ZNF521: variants seen among roughly 807,000 people sequenced by gnomAD.
ZNF521 encodes the protein zinc finger protein 521, also known as LYST-interacting protein 3.
Under a neutral mutation model 105.5 loss-of-function variants are expected in ZNF521, and 14 were observed. That is an observed-to-expected ratio of 0.13 (90% confidence interval 0.09 to 0.21). ZNF521 has a LOEUF of 0.21. Ranked by LOEUF, ZNF521 falls within the 10% of genes least tolerant of loss-of-function variation. The probability of loss-of-function intolerance (pLI) is 1.00; values close to 1 mark genes in which losing one functional copy is unlikely to be tolerated. For missense variants in ZNF521, 1,233 were observed against 1,629.7 expected (o/e 0.76, Z 4.19); for synonymous variants, 635 against 606.0 (o/e 1.05, Z -0.70).
chr18:25,300,120 C>T (rs112293845), intron 3 of ZNF521, among the ~76,000 whole-genome samples: 5,244 of 152,212 alleles, frequency 0.034, 120 homozygotes, highest in Non-Finnish European at 0.054. Flanking sequence ...CTGTGAAAGC[C>T]AGACGAGACA....
chr18:25,332,481 C>A (rs1913632405), intron 2 of ZNF521, among the ~76,000 whole-genome samples: 1 of 151,964 alleles, frequency 6.6e-6, no homozygotes, highest in East Asian at 1.9e-4. Flanking sequence ...AAAATACATA[C>A]AACCCTAAAT....
intron 7 of ZNF521, among the ~76,000 whole-genome samples, chr18:25,063,332 C>T (rs934748120): frequency 6.6e-6 from 1 of 152,174 alleles, no homozygotes; most frequent in Non-Finnish European, 1.5e-5. Flanking sequence ...GAGCAGCCCC[C>T]CTCCTGAGGG....
rs1318198921 is a variant in ZNF521, at chr18:25,323,890, T to C, written c.41-1703A>G. 3.3e-5 allele frequency among the ~76,000 whole-genome samples: 5 copies of C among 151,900 alleles called. No individual in the cohort carries two copies. In the South Asian group the frequency reaches 6.2e-4, roughly 19 times the overall value. On this transcript the variant is annotated intron_variant, in intron 2 of 7. Coordinates refer to ENST00000361524, the MANE Select transcript of ZNF521 (RefSeq NM_015461.3). The stretch of plus-strand genomic sequence containing the variant: ...ATTCACATATGCCAAAATCAACTTA[T>C]ATCACCATGTATCTGACAATCTCTT...
chr18:25,062,602 T>C lies in ZNF521; in HGVS notation c.*110A>G. Reference sequence around the variant, plus strand: ...TGATAATACAAGTTTTATGGTACAATACAATGTTTCTGAATAATATACATT... The same window carrying C: ...TGATAATACAAGTTTTATGGTACAACACAATGTTTCTGAATAATATACATT... On this transcript the variant is annotated 3_prime_UTR_variant, in exon 8 of 8. Transcript: ENST00000361524. 2 of 1,393,526 alleles carry C rather than the reference T, an allele frequency of 1.4e-6. No homozygotes were observed. The highest frequency in any genetic ancestry group is 2.0e-6 in the Non-Finnish European group (2 of 1,009,442). The allele number at this position is 1,393,526 out of a possible 1,614,324, so 86.3% of individuals were successfully genotyped here.
chr18:25,216,436 T>G (rs1338485726), intron 4 of ZNF521, among the ~76,000 whole-genome samples: 1 of 152,190 alleles, frequency 6.6e-6, no homozygotes, highest in Non-Finnish European at 1.5e-5. Flanking sequence ...TAACTGAAAA[T>G]AAAGTATACA....
intron 5 of ZNF521, among the ~76,000 whole-genome samples, chr18:25,096,381 C>T (rs536700881): frequency 6.6e-6 from 1 of 152,270 alleles, no homozygotes; most frequent in Non-Finnish European, 1.5e-5. Context: ...ACCTACATAA[C>T]TATTTATTAG....
chr18:25,063,391 G>C (rs1223943902), intron 7 of ZNF521, among the ~76,000 whole-genome samples: 1 of 152,094 alleles, frequency 6.6e-6, no homozygotes, highest in Non-Finnish European at 1.5e-5. Flanking sequence ...GATTACAGTA[G>C]CCCGCCAGGT....
At chr18:25,164,342 T>A (rs2035300820) in intron 5 of ZNF521, among the ~76,000 whole-genome samples, 1 of 152,122 alleles carries the variant, frequency 6.6e-6, no homozygotes, top group Non-Finnish European at 1.5e-5. Flanking sequence ...TAGATGAGGT[T>A]AAGTGGTGGT....
chr18:25,152,272 A>C (rs572114876), intron 5 of ZNF521, among the ~76,000 whole-genome samples: 1 of 152,286 alleles, frequency 6.6e-6, no homozygotes, highest in Admixed American at 6.5e-5. Flanking sequence ...TGAGGTCAGG[A>C]GTTTGAGACC....
chr18:25,274,529 A>G (rs909951849), intron 3 of ZNF521, among the ~76,000 whole-genome samples: 1 of 152,220 alleles, frequency 6.6e-6, no homozygotes, highest in African/African-American at 2.4e-5. Context: ...TCACTGACAA[A>G]TATTTCCAAA....
At chr18:25,148,353 G>A (rs1347394932) in intron 5 of ZNF521, among the ~76,000 whole-genome samples, 1 of 152,118 alleles carries the variant, frequency 6.6e-6, no homozygotes, top group Non-Finnish European at 1.5e-5. Flanking sequence ...CTTGTGGTCT[G>A]GAAATGGGAT....
intron 3 of ZNF521, among the ~76,000 whole-genome samples, chr18:25,251,799 C>G (rs187598363): frequency 6.6e-6 from 1 of 151,960 alleles, no homozygotes; most frequent in Non-Finnish European, 1.5e-5. Context: ...TTTCCTTATA[C>G]AAGGAATAAT....
chr18:25,251,776 T>C (rs1228836926), intron 3 of ZNF521, among the ~76,000 whole-genome samples: 3 of 152,182 alleles, frequency 2.0e-5, no homozygotes, highest in Non-Finnish European at 2.9e-5. Flanking sequence ...GCTAAATATT[T>C]TGATTTTGAA....
intron 5 of ZNF521, among the ~76,000 whole-genome samples, chr18:25,133,570 T>C (rs2034678579): frequency 6.6e-6 from 1 of 152,212 alleles, no homozygotes; most frequent in Non-Finnish European, 1.5e-5. Context: ...ATACAAGTAA[T>C]AAATTCTTCC....
chr18:25,298,373 G>A (rs1231406070), intron 3 of ZNF521, among the ~76,000 whole-genome samples: 1 of 152,054 alleles, frequency 6.6e-6, no homozygotes, highest in African/African-American at 2.4e-5. Flanking sequence ...ATGTGGACTG[G>A]GTCAGAGTAA....
At chr18:25,070,879 G>GT (rs2033203044) in intron 7 of ZNF521, among the ~76,000 whole-genome samples, 1 of 152,086 alleles carries the variant, frequency 6.6e-6, no homozygotes, top group African/African-American at 2.4e-5. Context: ...GAATTTAAGG[G>GT]TTTTGAAGAA....
At chr18:25,261,684 C>T (rs1908921277) in intron 3 of ZNF521, among the ~76,000 whole-genome samples, 1 of 151,500 alleles carries the variant, frequency 6.6e-6, no homozygotes, top group Admixed American at 6.6e-5. Flanking sequence ...TTTTAAAAGC[C>T]ACTCAATGAA....
At chr18:25,155,775 A>G (rs947404928) in intron 5 of ZNF521, among the ~76,000 whole-genome samples, 1 of 152,160 alleles carries the variant, frequency 6.6e-6, no homozygotes, top group Admixed American at 6.5e-5. Context: ...GTATAAATAT[A>G]TGCAATAGAA....
chr18:25,215,490 C>A (rs1013646036), intron 4 of ZNF521, among the ~76,000 whole-genome samples: 3 of 152,168 alleles, frequency 2.0e-5, no homozygotes, highest in African/African-American at 7.2e-5. Flanking sequence ...TCCATCTTGA[C>A]AAAATCTCAG....
Sources: gnomAD v4.1 joint callset for allele counts (sites outside exome capture counted in the v4.1 genomes callset) on GRCh38, gnomAD v4.1.1 for gene constraint, MANE v1.5 for transcripts, NCBI Gene and HGNC (gene_info 2026-07-23, HGNC 2026-07-21) for gene names.